PIEZO2: variants seen among roughly 807,000 people sequenced by gnomAD.
PIEZO2 encodes the protein piezo type mechanosensitive ion channel component 2, also known as piezo-type mechanosensitive ion channel component 2.
In PIEZO2, 172 loss-of-function variants were observed where a neutral mutation model predicts 337.3. That is an observed-to-expected ratio of 0.51 (90% CI 0.45 to 0.58). The LOEUF (loss-of-function observed/expected upper bound fraction) is 0.58, where lower values mean the gene tolerates loss of function less well. PIEZO2 is among the 20% of genes least tolerant of loss of function. The pLI, the probability that PIEZO2 is intolerant of heterozygous loss-of-function variation, is 0.00. For synonymous variants in PIEZO2, 1,251 were observed against 1,228.5 expected (o/e 1.02, Z -0.38); for missense variants, 3,028 against 3,391.3 (o/e 0.89, Z 2.66).
At chr18:11,019,948 G>T (rs1293195625) in intron 2 of PIEZO2, among the ~76,000 whole-genome samples, 1 of 152,188 alleles carries the variant, frequency 6.6e-6, no homozygotes, top group Non-Finnish European at 1.5e-5. Context: ...TGGAGGCTGT[G>T]CCGAGCACAT....
chr18:11,071,598 G>A (rs1372912879), intron 1 of PIEZO2, among the ~76,000 whole-genome samples: 1 of 152,228 alleles, frequency 6.6e-6, no homozygotes, highest in African/African-American at 2.4e-5. Flanking sequence ...TCCAGCCAGA[G>A]AAGGGAAGGC....
rs528548774 is a variant in PIEZO2 at position 11,067,748 on chromosome 18, A to C, written c.65-1526T>G. 2.0e-5 allele frequency among the ~76,000 whole-genome samples: 3 copies of C among 152,342 alleles called. No homozygotes were observed. In the South Asian group the frequency reaches 6.2e-4, roughly 32 times the overall value. ...TCAACGGATATAAATGAAGAGATAGACTATAATGTAATAATAGCAGGGACC... is the reference window on the plus strand; with the variant it reads ...TCAACGGATATAAATGAAGAGATAGCCTATAATGTAATAATAGCAGGGACC... On this transcript the variant is annotated intron_variant, in intron 1 of 55. Coordinates refer to ENST00000674853, the MANE Select transcript of PIEZO2 (RefSeq NM_001378183.1).
In PIEZO2 at chr18:10,702,111, C is replaced by T. The variant is rs1567964452; in HGVS notation, c.6319G>A (p.Glu2107Lys). ...FGFFPWNKNV[E>K]VNKDKPYHPP... ...TGATACGGTTTATCTTTGTTCACCT[C>T]CACATTCTTATTCCAGGGAAAGAAC... Residue 2107 changes from glutamate to lysine, a missense_variant, in exon 43 of 56, where the codon GAG becomes AAG. Around this residue, in one of 5 missense-constraint regions of PIEZO2, gnomAD observed 1,925 missense variants for 2,051.9 expected, o/e 0.94. Coordinates refer to ENST00000674853, the MANE Select transcript of PIEZO2 (RefSeq NM_001378183.1). 1 of 1,536,908 alleles carries T rather than the reference C, an allele frequency of 6.5e-7. No homozygotes were observed. The highest frequency in any genetic ancestry group is 8.7e-7 in the Non-Finnish European group (1 of 1,146,810).
chr18:10,920,372 T>C (rs1264757950), intron 3 of PIEZO2, among the ~76,000 whole-genome samples: 1 of 152,104 alleles, frequency 6.6e-6, no homozygotes, highest in Non-Finnish European at 1.5e-5. Flanking sequence ...CAAAAAGTTA[T>C]CGGAACAGTT....
intron 4 of PIEZO2, among the ~76,000 whole-genome samples, chr18:10,880,403 A>G (rs2042380160): frequency 6.6e-6 from 1 of 152,182 alleles, no homozygotes; most frequent in Non-Finnish European, 1.5e-5. Context: ...CAACTCCAAA[A>G]TTTCATTTCT....
rs114616373 is a variant in PIEZO2 at position 10,970,586 on chromosome 18, G to A, written c.286+8949C>T. Among the ~76,000 whole-genome samples, 379 of 151,738 alleles carry A rather than the reference G, an allele frequency of 2.5e-3. 3 individuals carry two copies. The highest frequency in any genetic ancestry group is 8.5e-3 in the African/African-American group (352 of 41,420). The stretch of plus-strand genomic sequence containing the variant: ...AATCAAGACATTATAAATATGCCTG[G>A]AACATAGTGGGAAATTATACATGGA... On this transcript the variant is annotated intron_variant, in intron 3 of 55. Transcript: ENST00000674853.
rs2040235081 is a variant in PIEZO2, at chr18:11,127,969, T to G, written c.64+20556A>C. Among the ~76,000 whole-genome samples the G allele has an allele frequency of 6.6e-6, 1 of 151,968 alleles. No homozygotes were observed. The highest frequency in any genetic ancestry group is 1.5e-5 in the Non-Finnish European group (1 of 68,000). On this transcript the variant is annotated intron_variant, in intron 1 of 55. Coordinates refer to ENST00000674853, the MANE Select transcript of PIEZO2 (RefSeq NM_001378183.1). The surrounding 1 kb of genome is among the most constrained non-coding windows in gnomAD (Gnocchi z 4.5). ...GTTGGCTGCTTAGTATGATTAGACC[T>G]GAAAATGCTAAGGACTCTACTGCTA...
At chr18:10,701,044 T>C (rs563738261) in intron 43 of PIEZO2, among the ~76,000 whole-genome samples, 20 of 152,358 alleles carry the variant, frequency 1.3e-4, no homozygotes, top group Admixed American at 7.8e-4. Flanking sequence ...CACTGTTACA[T>C]ATCTATGTGT....
chr18:11,059,834 A>T (rs1389700370), intron 2 of PIEZO2, among the ~76,000 whole-genome samples: 1 of 152,206 alleles, frequency 6.6e-6, no homozygotes, highest in African/African-American at 2.4e-5. Context: ...CACTGTCAAC[A>T]TTAGACAGAT....
chr18:10,827,522 C>T (rs1286272622), intron 7 of PIEZO2, among the ~76,000 whole-genome samples: 1 of 152,084 alleles, frequency 6.6e-6, no homozygotes, highest in African/African-American at 2.4e-5. Flanking sequence ...TCTCTGCTCC[C>T]CCTGCCTTTA....
intron 47 of PIEZO2, among the ~76,000 whole-genome samples, chr18:10,693,389 A>G (rs1370182355): frequency 7.2e-5 from 8 of 111,314 alleles, no homozygotes; most frequent in East Asian, 6.5e-4. Flanking sequence ...TGTGTGTGTG[A>G]TGGAGTCTCA....
chr18:11,125,856 T>C lies in PIEZO2; in HGVS notation c.64+22669A>G, dbSNP rs1176784487. The stretch of plus-strand genomic sequence containing the variant: ...GTGGCTGAGTGAGTCTGAGATAAGA[T>C]AGGGCAAGAGAAATACACAGTCATT... On this transcript the variant is annotated intron_variant, in intron 1 of 55. Coordinates refer to ENST00000674853, the MANE Select transcript of PIEZO2 (RefSeq NM_001378183.1). This position sits in a 1 kb window ranked among gnomAD's most constrained non-coding sequence, Gnocchi z 4.4. 6.6e-5 allele frequency among the ~76,000 whole-genome samples: 10 copies of C among 152,164 alleles called. No homozygotes were observed. Among genetic ancestry groups the C allele is most frequent in the African/African-American group, 1.9e-4 (8 of 41,438 alleles).
Position 11,066,229 on chromosome 18 carries a change from G to T in PIEZO2, c.65-7C>A, listed in dbSNP as rs995980215. ...TTGTATCGGAATGCACATGCTGTGG[G>T]TGGGAAGAGAGAAGAGAGTGAGAAG... is the stretch of plus-strand genomic sequence containing the variant. On this transcript the variant is annotated splice_polypyrimidine_tract_variant and splice_region_variant and intron_variant, in intron 1 of 55. Transcript: ENST00000674853. 3 of 1,532,478 alleles carry T rather than the reference G, an allele frequency of 2.0e-6. No homozygotes were observed. Among genetic ancestry groups the T allele is most frequent in the African/African-American group, 2.7e-5 (2 of 72,930 alleles). The allele number at this position is 1,532,478 out of a possible 1,614,324, so 94.9% of individuals were successfully genotyped here. A position where few individuals can be genotyped will look rare whatever the true frequency, so the allele number is the denominator to read the frequency against.
rs1003241453 is a variant in PIEZO2 at position 10,903,256 on chromosome 18, C to T, written c.329+7930G>A. On this transcript the variant is annotated intron_variant, in intron 4 of 55. Coordinates refer to ENST00000674853, the MANE Select transcript of PIEZO2 (RefSeq NM_001378183.1). This position sits in a 1 kb window ranked among gnomAD's most constrained non-coding sequence, Gnocchi z 4.1. Reference sequence around the variant, plus strand: ...CTCTCCTGAACTACTGCAGCAGCTTCCTAGCTGAACTCCTGGCTCATCTGG... The same window carrying T: ...CTCTCCTGAACTACTGCAGCAGCTTTCTAGCTGAACTCCTGGCTCATCTGG... 6.6e-6 allele frequency among the ~76,000 whole-genome samples: 1 copy of T among 152,220 alleles called. No individual in the cohort carries two copies. Among genetic ancestry groups the T allele is most frequent in the African/African-American group, 2.4e-5 (1 of 41,454 alleles).
rs16975188 is a variant in PIEZO2, at chr18:10,696,476, G to A, written c.6891C>T (p.Ser2297=). ...FFYNLIHPEY[S]AVTDVYVLMF... ...TGAGTACATACACGTCAGTCACGGC[G>A]CTATACTCCGGGTGGATGAGGTTGT... Residue 2297 remains serine, a synonymous_variant, in exon 46 of 56, where the codon AGC becomes AGT. Coordinates refer to ENST00000674853, the MANE Select transcript of PIEZO2 (RefSeq NM_001378183.1). The A allele has an allele frequency of 7.1e-3, 11,431 of 1,614,084 alleles. 649 individuals carry two copies. In the African/African-American group the frequency reaches 0.12, roughly 18 times the overall value.
intron 4 of PIEZO2, among the ~76,000 whole-genome samples, chr18:10,887,663 G>T (rs2042646239): frequency 6.6e-6 from 1 of 152,028 alleles, no homozygotes. Context: ...TTTGTGCCTG[G>T]GATCCCATTG....
rs1289076025 is a variant in PIEZO2, at chr18:10,824,512, A to G, written c.918-17238T>C. On this transcript the variant is annotated intron_variant, in intron 7 of 55. Coordinates refer to ENST00000674853, the MANE Select transcript of PIEZO2 (RefSeq NM_001378183.1). This position sits in a 1 kb window ranked among gnomAD's most constrained non-coding sequence, Gnocchi z 4.4. The stretch of plus-strand genomic sequence containing the variant: ...AAATTTTAAATGAACATGACAGAGA[A>G]ATTTAGATTTAGATTTCTAGATAAC... Among the ~76,000 whole-genome samples the G allele has an allele frequency of 6.6e-6, 1 of 152,202 alleles. No individual in the cohort carries two copies. The highest frequency in any genetic ancestry group is 2.4e-5 in the African/African-American group (1 of 41,472).
intron 39 of PIEZO2, among the ~76,000 whole-genome samples, chr18:10,712,309 A>G (rs1425310852): frequency 6.6e-6 from 1 of 152,220 alleles, no homozygotes; most frequent in African/African-American, 2.4e-5. Flanking sequence ...ACCTAGCTGG[A>G]CTACTTAAGA....
chr18:11,022,707 C>A (rs2036356577), intron 2 of PIEZO2, among the ~76,000 whole-genome samples: 1 of 152,162 alleles, frequency 6.6e-6, no homozygotes, highest in South Asian at 2.1e-4. Context: ...TTAAGGGGGA[C>A]AGAATTCAGT....
Sources: allele counts gnomAD v4.1 joint callset (sites outside exome capture counted in the v4.1 genomes callset), GRCh38; gene constraint gnomAD v4.1.1; regional missense constraint gnomAD v4.1.1; non-coding constraint Gnocchi (gnomAD v3.1); transcripts MANE v1.5; gene names NCBI Gene and HGNC (gene_info 2026-07-23, HGNC 2026-07-21).